The following KIFC3 variants were observed in gnomAD, a reference collection of about 807,000 sequenced individuals.
KIFC3 encodes kinesin-like protein KIFC3.
A neutral mutation model predicts 101.8 loss-of-function variants in KIFC3; 60 were observed. The observed-to-expected ratio is 0.59, with a 90% confidence interval of 0.48 to 0.73. KIFC3 has a LOEUF of 0.73. Ranked by LOEUF, KIFC3 falls within the 30% of genes least tolerant of loss-of-function variation. The pLI is 0.00. For synonymous variants in KIFC3, 476 were observed against 482.7 expected (o/e 0.99, Z 0.18); for missense variants, 966 against 1,137.1 (o/e 0.85, Z 2.16).
At chr16:57,803,551 A>C (rs1555626320), upstream of KIFC3, 3 of 368,968 alleles carry the variant, frequency 8.1e-6, no homozygotes, top group Non-Finnish European at 1.6e-5. Context: ...GGGCAACTCC[A>C]GGTGGGTTCT....
chr16:57,775,027 C>A lies in KIFC3; in HGVS notation c.316-2739G>T. The A allele has an allele frequency of 2.0e-6, 3 of 1,531,326 alleles. No homozygotes were observed. In the South Asian group the frequency reaches 3.6e-5, roughly 18 times the overall value. The allele number at this position is 1,531,326 out of a possible 1,614,324, so 94.9% of individuals were successfully genotyped here. On this transcript the variant is annotated intron_variant, in intron 3 of 19. Transcript: ENST00000445690. ...CCTGCCAGGCACTCAGACCCTGATG[C>A]AGGGAGAGTGGGGTTTGCCAGTGTT...
chr16:57,819,923 C>T (rs2055314891), intron 1 of KIFC3, among the ~76,000 whole-genome samples: 1 of 152,036 alleles, frequency 6.6e-6, no homozygotes, highest in South Asian at 2.1e-4. Flanking sequence ...GGCTAGAGTG[C>T]AATGGCACGA....
chr16:57,762,191 C>T lies in KIFC3; in HGVS notation c.1697G>A (p.Trp566Ter). Residue 566 changes from tryptophan (W) to a stop codon, truncating the protein, a stop_gained, in exon 13 of 20, where the codon TGG (tryptophan) becomes TAG (stop). Coordinates refer to ENST00000445690, the MANE Select transcript of KIFC3 (RefSeq NM_001130100.2). LOFTEE classifies it high-confidence loss of function. ...AGCGCTGACGGTGATGGTGTACTCC[C>T]AGTCAGACGCCTTCTCCTGCACCTC... ...FSEVQEKASDWEYTITVSAAE... is the reference protein window; with the variant it reads ...FSEVQEKASD 1 of 1,611,390 alleles carries T rather than the reference C, an allele frequency of 6.2e-7. No homozygotes were observed.
chr16:57,803,202 C>T (rs1483339778), upstream of KIFC3: 10 of 729,376 alleles, frequency 1.4e-5, no homozygotes, highest in Admixed American at 1.0e-4. Context: ...CAGCAGTTCC[C>T]GGCCTTGCTG....
At position 57,771,357 on chromosome 16, in the gene KIFC3, G is replaced by A; in HGVS notation, c.606C>T (p.Asn202=). 3.1e-6 allele frequency: 5 copies of A among 1,613,782 alleles called. No homozygotes were observed. The highest frequency in any genetic ancestry group is 4.2e-6 in the Non-Finnish European group (5 of 1,180,052). ...GGTCGGTCTTCTGCTGCACCTCTAG[G>A]TTCAGCTCTGACAGCATGCCTTTGC... ...AESKGMLSEL[N]LEVQQKTDRL... Residue 202 remains asparagine, a synonymous_variant, in exon 6 of 20, where the codon AAC becomes AAT. Coordinates refer to ENST00000445690, the MANE Select transcript of KIFC3 (RefSeq NM_001130100.2).
chr16:57,849,759 C>T (rs372379431), intron 1 of KIFC3, among the ~76,000 whole-genome samples: 2 of 151,940 alleles, frequency 1.3e-5, no homozygotes, highest in African/African-American at 4.8e-5. Flanking sequence ...AAAAATTAGC[C>T]GGGTGTGGTG....
At chr16:57,818,014 C>CTTTT (rs112869689) in intron 1 of KIFC3, among the ~76,000 whole-genome samples, 2 of 147,410 alleles carry the variant, frequency 1.4e-5, no homozygotes, top group Non-Finnish European at 3.0e-5. Context: ...TTCTTTCTTT[C>CTTTT]TTTTTTTTTT....
chr16:57,766,970 C>T lies in KIFC3; in HGVS notation c.1234G>A (p.Glu412Lys), dbSNP rs372862493. The part of the protein sequence containing the change: ...SVKAEIGQAI[E>K]EVNSNNQELL... Reference sequence around the variant, plus strand: ...TCCTGGTTGTTGCTGTTGACCTCCTCGATGGCCTGGCCTATCTGGTGGGGG... The same window carrying T: ...TCCTGGTTGTTGCTGTTGACCTCCTTGATGGCCTGGCCTATCTGGTGGGGG... The change falls in exon 10 of 20, where the codon GAG (glutamate) becomes AAG (lysine). Residue 412 changes from glutamate to lysine, a missense_variant. Physicochemically the swap from Glu to Lys is moderately conservative, Grantham distance 56 (BLOSUM62 1). Coordinates refer to ENST00000445690, the MANE Select transcript of KIFC3 (RefSeq NM_001130100.2). 1.4e-5 allele frequency: 23 copies of T among 1,613,122 alleles called. No homozygotes were observed. In the East Asian group the frequency reaches 1.6e-4, roughly 11 times the overall value.
intron 1 of KIFC3, among the ~76,000 whole-genome samples, chr16:57,827,533 T>C (rs1555630985): frequency 6.6e-6 from 1 of 152,094 alleles, no homozygotes; most frequent in Non-Finnish European, 1.5e-5. Flanking sequence ...TCCCTCAGAG[T>C]TCCTGGAGCT....
At chr16:57,790,834 A>C in intron 3 of KIFC3, 1 of 782,102 alleles carries the variant, frequency 1.3e-6, no homozygotes, top group Non-Finnish European at 1.6e-6. Context: ...TTGAAAAGAC[A>C]AGAAAAGTGA....
At chr16:57,816,647 C>T in intron 1 of KIFC3, 1 of 456,700 alleles carries the variant, frequency 2.2e-6, no homozygotes. Context: ...TGGGCAGCTG[C>T]CACACCAGGC....
At chr16:57,820,958 A>C (rs1485018309) in intron 1 of KIFC3, among the ~76,000 whole-genome samples, 2 of 148,650 alleles carry the variant, frequency 1.3e-5, no homozygotes, top group African/African-American at 5.0e-5. Flanking sequence ...CTGCATCTAC[A>C]AAAAAAAAAT....
intron 1 of KIFC3, among the ~76,000 whole-genome samples, chr16:57,840,465 A>G (rs533872035): frequency 1.3e-5 from 2 of 152,070 alleles, no homozygotes; most frequent in East Asian, 3.9e-4. Flanking sequence ...GTCTGTAAAA[A>G]AATAAAAGTT....
chr16:57,765,430 T>A, intron 11 of KIFC3, 29 bp downstream of exon 11: 1 of 1,548,540 alleles, frequency 6.5e-7, no homozygotes, highest in Non-Finnish European at 8.8e-7. Flanking sequence ...CTCCCTTGCT[T>A]TCCCTTTCCC....
At chr16:57,833,906 T>TCAC (rs1221067733) in intron 1 of KIFC3, among the ~76,000 whole-genome samples, 1 of 142,870 alleles carries the variant, frequency 7.0e-6, no homozygotes, top group Non-Finnish European at 1.5e-5. Context: ...TCTTGCTCTG[T>TCAC]CACCAGGCTG....
chr16:57,847,260 AAGGAAGGAAGGG>A (rs2055946817), intron 1 of KIFC3, among the ~76,000 whole-genome samples: 1 of 76,790 alleles, frequency 1.3e-5, no homozygotes, highest in Admixed American at 1.4e-4. Context: ...GGAAGGAAGG[AAGGAAGGAAGGG>A]AAGGGAGGGA....
intron 3 of KIFC3, among the ~76,000 whole-genome samples, chr16:57,784,494 G>A (rs1221493445): frequency 6.6e-6 from 1 of 152,234 alleles, no homozygotes; most frequent in East Asian, 1.9e-4. Flanking sequence ...AGAACTGAGA[G>A]AACAAGTCAC....
chr16:57,849,401 G>GTA (rs1431461761), intron 1 of KIFC3, among the ~76,000 whole-genome samples: 6 of 152,296 alleles, frequency 3.9e-5, no homozygotes, highest in African/African-American at 1.4e-4. Flanking sequence ...CTGTGTGTGT[G>GTA]TATCTGTGAC....
intron 1 of KIFC3, among the ~76,000 whole-genome samples, chr16:57,851,068 T>C (rs1158208622): frequency 2.6e-5 from 4 of 152,060 alleles, no homozygotes; most frequent in South Asian, 4.2e-4. Flanking sequence ...TGGAGTGTAG[T>C]TGTGTGATCA....
Sources: gnomAD v4.1 joint callset for allele counts (sites outside exome capture counted in the v4.1 genomes callset) on GRCh38, gnomAD v4.1.1 for gene constraint, MANE v1.5 for transcripts, NCBI Gene and HGNC (gene_info 2026-07-23, HGNC 2026-07-21) for gene names.